Variants in EIF2AK1 observed in about 807,000 individuals in gnomAD.
EIF2AK1 encodes the protein eukaryotic translation initiation factor 2-alpha kinase 1.
A neutral mutation model predicts 77.9 loss-of-function variants in EIF2AK1; 54 were observed. That is an observed-to-expected ratio of 0.69 (90% CI 0.56 to 0.87). EIF2AK1 has a LOEUF of 0.87. Ranked by LOEUF, EIF2AK1 falls within the 40% of genes least tolerant of loss-of-function variation. The pLI is 0.00. For missense variants in EIF2AK1, 810 were observed against 768.6 expected (o/e 1.05, Z -0.64); for synonymous variants, 314 against 290.5 (o/e 1.08, Z -0.82).
intron 14 of EIF2AK1, 31 bp downstream of exon 14, chr7:6,026,697 C>A: frequency 1.9e-6 from 3 of 1,588,980 alleles, no homozygotes; most frequent in Non-Finnish European, 2.6e-6. Flanking sequence ...ACCACCTTCA[C>A]TCCAGGACCA....
At chr7:6,029,088 T>G in intron 11 of EIF2AK1, 56 bp from the exon 12 acceptor site, 3 of 1,378,924 alleles carry the variant, frequency 2.2e-6, no homozygotes, top group Non-Finnish European at 3.0e-6. Context: ...AATAGTAATA[T>G]CTTGTAAATG....
chr7:6,039,482 C>T (rs952345232), intron 9 of EIF2AK1, among the ~76,000 whole-genome samples: 5 of 151,834 alleles, frequency 3.3e-5, no homozygotes, highest in Admixed American at 2.0e-4. Context: ...ATCAGCCAGG[C>T]GTAGTGGCGC....
intron 11 of EIF2AK1, among the ~76,000 whole-genome samples, chr7:6,034,099 T>C (rs1787997782): frequency 6.6e-6 from 1 of 151,274 alleles, no homozygotes; most frequent in African/African-American, 2.4e-5. Context: ...GGGTGGATCA[T>C]GAGGTCAGGA....
At position 6,058,994 on chromosome 7, in the gene EIF2AK1, G is replaced by C. The variant is rs200278775; in HGVS notation, c.90C>G (p.Pro30=). The change falls in exon 1 of 15, where the codon CCC becomes CCG. Residue 30 remains proline, a synonymous_variant. Coordinates refer to ENST00000199389, the MANE Select transcript of EIF2AK1 (RefSeq NM_014413.4). The part of the protein sequence containing the change: ...AVAAPPAIDF[P]AEGPDPEYDE... Reference sequence around the variant, plus strand: ...CATATTCGGGGTCCGGGCCCTCGGCGGGAAAGTCGATGGCCGGCGGCGCAG... The same window carrying C: ...CATATTCGGGGTCCGGGCCCTCGGCCGGAAAGTCGATGGCCGGCGGCGCAG... The C allele has an allele frequency of 1.2e-3, 1,815 of 1,541,696 alleles. 2 individuals are homozygous for C. Among genetic ancestry groups the C allele is most frequent in the Non-Finnish European group, 1.5e-3 (1,732 of 1,147,736 alleles).
chr7:6,056,693 C>G (rs1788784984), intron 1 of EIF2AK1, among the ~76,000 whole-genome samples: 1 of 143,918 alleles, frequency 6.9e-6, no homozygotes, highest in Non-Finnish European at 1.5e-5. Context: ...GTCAGCACAA[C>G]AGTATTCTCG....
chr7:6,028,742 T>C (rs769309876), intron 12 of EIF2AK1, 45 bp from the exon 13 acceptor site: 1 of 1,582,662 alleles, frequency 6.3e-7, no homozygotes, highest in East Asian at 2.2e-5. Flanking sequence ...GTTAGCGCTG[T>C]CAACATTAAA....
chr7:6,026,910 C>G lies in EIF2AK1; in HGVS notation c.1582G>C (p.Gly528Arg). ...ACTTCTGCTCGCTCCATTTCTGTTC[C>G]AAACGGCTGAAAGAGCTCTAGCAGG... is the stretch of plus-strand genomic sequence containing the variant. The part of the protein sequence containing the change: ...VVLLELFQPF[G>R]TEMERAEVLT... The change falls in exon 14 of 15, where the codon GGA becomes CGA. Residue 528 changes from glycine to arginine, a missense_variant. Transcript: ENST00000199389. 1 of 1,614,104 alleles carries G rather than the reference C, an allele frequency of 6.2e-7. No individual in the cohort carries two copies. The highest frequency in any genetic ancestry group is 1.3e-5 in the African/African-American group (1 of 75,010).
chr7:6,031,615 C>T (rs1423086868), intron 11 of EIF2AK1: 23 of 1,548,692 alleles, frequency 1.5e-5, no homozygotes, highest in Non-Finnish European at 2.0e-5. Flanking sequence ...TGCTCAGTCA[C>T]TTCTGGAAAA....
At chr7:6,054,290 C>T (rs1253549423) in intron 2 of EIF2AK1, among the ~76,000 whole-genome samples, 1 of 152,130 alleles carries the variant, frequency 6.6e-6, no homozygotes, top group African/African-American at 2.4e-5. Flanking sequence ...CTGCAACCTC[C>T]ACCTCCCCAG....
chr7:6,040,175 C>T (rs1364545541), intron 9 of EIF2AK1, among the ~76,000 whole-genome samples: 2 of 152,002 alleles, frequency 1.3e-5, no homozygotes, highest in East Asian at 3.9e-4. Context: ...GCCTCAGCCT[C>T]CTGAGTAGCT....
intron 1 of EIF2AK1, among the ~76,000 whole-genome samples, chr7:6,055,320 C>G (rs1220154473): frequency 1.1e-5 from 1 of 93,126 alleles, no homozygotes; most frequent in Non-Finnish European, 1.9e-5. Flanking sequence ...CCAGCCTTGG[C>G]AACAAGAGCG....
At chr7:6,040,102 A>C (rs1788253158) in intron 9 of EIF2AK1, among the ~76,000 whole-genome samples, 2 of 151,862 alleles carry the variant, frequency 1.3e-5, no homozygotes, top group Non-Finnish European at 2.9e-5. Flanking sequence ...TTTTTTTTGA[A>C]ACAGTCTTCC....
At position 6,043,438 on chromosome 7, in the gene EIF2AK1, AT is replaced by A. The variant is rs952815137; in HGVS notation, c.731-446del. Among the ~76,000 whole-genome samples, 408 of 149,984 alleles carry A rather than the reference AT, an allele frequency of 2.7e-3. 3 individuals carry two copies. The highest frequency in any genetic ancestry group is 0.01 in the Middle Eastern group (3 of 290). On this transcript the variant is annotated intron_variant, in intron 7 of 14. Coordinates refer to ENST00000199389, the MANE Select transcript of EIF2AK1 (RefSeq NM_014413.4). ...TATTTTTAAAACAAAATTTAATGTA[AT>A]TTTTTTTTTGAGGCAGTCTCGCTCT...
chr7:6,055,444 C>A (rs763046636), intron 1 of EIF2AK1, among the ~76,000 whole-genome samples: 1 of 149,394 alleles, frequency 6.7e-6, no homozygotes, highest in Non-Finnish European at 1.5e-5. Context: ...TCTACATGTA[C>A]AATCTCCTTC....
In EIF2AK1 at chr7:6,054,545, C is replaced by G. The variant is rs148495208; in HGVS notation, c.277+1G>C. The stretch of plus-strand genomic sequence containing the variant: ...AGCAAGATTCATTTATTCTTACTTA[C>G]GCTTAAACACCTGTCTTGAACGAAG... On this transcript the variant is annotated splice_donor_variant, in intron 2 of 14. Transcript: ENST00000199389. LOFTEE classifies it high-confidence loss of function. The G allele has an allele frequency of 1.9e-5, 30 of 1,613,806 alleles. No individual in the cohort carries two copies. Among genetic ancestry groups the G allele is most frequent in the Non-Finnish European group, 2.5e-5 (29 of 1,179,936 alleles).
Position 6,036,271 on chromosome 7 carries a change from A to G in EIF2AK1, c.1332+1153T>C, listed in dbSNP as rs1788090073. The G allele has an allele frequency of 6.5e-7, 1 of 1,549,968 alleles. No individual in the cohort carries two copies. Among genetic ancestry groups the G allele is most frequent in the Admixed American group, 2.0e-5 (1 of 50,690 alleles). On this transcript the variant is annotated intron_variant, in intron 11 of 14. Transcript: ENST00000199389. The surrounding 1 kb of genome is among the most constrained non-coding windows in gnomAD (Gnocchi z 4.6). ...CCTTTATCCCTACAGGGTATCTGCA[A>G]AAGAAACATCAGGAATATTTATGGT... is the stretch of plus-strand genomic sequence containing the variant.
rs1787988741 is a variant in EIF2AK1 at position 6,033,932 on chromosome 7, C to T, written c.1332+3492G>A. Among the ~76,000 whole-genome samples the T allele has an allele frequency of 6.6e-6, 1 of 152,074 alleles. No individual in the cohort carries two copies. Among genetic ancestry groups the T allele is most frequent in the African/African-American group, 2.4e-5 (1 of 41,414 alleles). On this transcript the variant is annotated intron_variant, in intron 11 of 14. Coordinates refer to ENST00000199389, the MANE Select transcript of EIF2AK1 (RefSeq NM_014413.4). This position sits in a 1 kb window ranked among gnomAD's most constrained non-coding sequence, Gnocchi z 4.4. ...GTAAGCCGCATGAAAGAGAAGTTGA[C>T]CTTGTGCACCACTGTATCTCCAGCA...
chr7:6,050,553 G>A (rs1788580090), intron 2 of EIF2AK1, among the ~76,000 whole-genome samples: 1 of 151,284 alleles, frequency 6.6e-6, no homozygotes, highest in Non-Finnish European at 1.5e-5. Context: ...TAAAAGAGAA[G>A]GAACAACTAG....
rs903085045 is a variant in EIF2AK1 at position 6,033,984 on chromosome 7, T to TA, written c.1332+3439dup. Reference sequence around the variant, plus strand: ...CTCAACCAAATCAATGCCTGACACTTAGCACGTGCTCAGTAATACTATCCG... The same window carrying TA: ...CTCAACCAAATCAATGCCTGACACTTAAGCACGTGCTCAGTAATACTATCCG... On this transcript the variant is annotated intron_variant, in intron 11 of 14. Transcript: ENST00000199389. This position sits in a 1 kb window ranked among gnomAD's most constrained non-coding sequence, Gnocchi z 4.4. 1.3e-5 allele frequency among the ~76,000 whole-genome samples: 2 copies of TA among 151,846 alleles called. No homozygotes were observed. The highest frequency in any genetic ancestry group is 4.8e-5 in the African/African-American group (2 of 41,314).
Sources: gnomAD v4.1 joint callset for allele counts (sites outside exome capture counted in the v4.1 genomes callset) on GRCh38, gnomAD v4.1.1 for gene constraint, Gnocchi (gnomAD v3.1) non-coding constraint, MANE v1.5 for transcripts, NCBI Gene and HGNC (gene_info 2026-07-23, HGNC 2026-07-21) for gene names.